SBNO2: variants seen among roughly 807,000 people sequenced by gnomAD.
The protein encoded by SBNO2 is strawberry notch homolog 2.
In SBNO2, 89 loss-of-function variants were observed where a neutral mutation model predicts 146.3. The observed-to-expected ratio is 0.61, with a 90% CI of 0.51 to 0.73. SBNO2 has a LOEUF of 0.73. SBNO2 is among the 30% of genes least tolerant of loss of function. The pLI, the probability that SBNO2 is intolerant of heterozygous loss-of-function variation, is 0.00. For synonymous variants in SBNO2, 1,147 were observed against 892.6 expected (o/e 1.29, Z -5.08); for missense variants, 2,092 against 2,003.7 (o/e 1.04, Z -0.84).
rs1161099888 is a variant in SBNO2, at chr19:1,160,848, A to G, written c.-126-6446T>C. Among the ~76,000 whole-genome samples the G allele has an allele frequency of 5.3e-5, 8 of 152,072 alleles. No homozygotes were observed. The East Asian group carries it at 1.6e-3, about 30-fold the overall frequency. On this transcript the variant is annotated intron_variant, in intron 1 of 31. Coordinates refer to ENST00000361757, the MANE Select transcript of SBNO2 (RefSeq NM_014963.3). ...CCCGGCCCGAATGGAAATCATTTTC[A>G]TAGTAACATGAATCTCTGTAACTCA...
chr19:1,117,461 G>C lies in SBNO2; in HGVS notation c.1566C>G (p.Asp522Glu). 6.3e-7 allele frequency: 1 copy of C among 1,588,494 alleles called. No homozygotes were observed. The highest frequency in any genetic ancestry group is 1.3e-5 in the African/African-American group (1 of 74,350). Residue 522 changes from aspartate to glutamate, a missense_variant, in exon 15 of 32, where the codon GAC becomes GAG. Asp to Glu is a conservative substitution (Grantham distance 45). Transcript: ENST00000361757. ...EALNVFQQAA[D>E]WIGLESRKSL... ...ACTTGCGCGACTCCAGGCCGATCCA[G>C]TCGGCCGCCTGCTGGAACACGTTCA...
intron 11 of SBNO2, 135 bp downstream of exon 11, chr19:1,122,004 C>A (rs572900755): frequency 5.2e-6 from 3 of 574,602 alleles, no homozygotes; most frequent in South Asian, 8.7e-5. Context: ...CCAGCCCCAC[C>A]CCTCCGCTCC....
chr19:1,112,826 C>T lies in SBNO2; in HGVS notation c.2371G>A (p.Gly791Ser), dbSNP rs1427202078. ...GCACTGCAGCCCCGCACCTTCTCGCCGCTCATGAAGCGCTGCTTCTCCCTG... is the reference window on the plus strand; with the variant it reads ...GCACTGCAGCCCCGCACCTTCTCGCTGCTCATGAAGCGCTGCTTCTCCCTG... ...NLREKQRFMSGEKLVAIISEA... is the reference protein window; with the variant it reads ...NLREKQRFMSSEKLVAIISEA... Residue 791 changes from glycine to serine, a missense_variant, in exon 20 of 32, where the codon GGC becomes AGC. Transcript: ENST00000361757. This position sits in a 1 kb window ranked among gnomAD's most constrained non-coding sequence, Gnocchi z 5.9. The T allele has an allele frequency of 3.8e-6, 6 of 1,572,630 alleles. No individual in the cohort carries two copies. The highest frequency in any genetic ancestry group is 5.2e-6 in the Non-Finnish European group (6 of 1,160,708).
At position 1,157,413 on chromosome 19, in the gene SBNO2, C is replaced by T. The variant is rs1418493635; in HGVS notation, c.-126-3011G>A. 3.3e-5 allele frequency among the ~76,000 whole-genome samples: 5 copies of T among 149,436 alleles called. No homozygotes were observed. The highest frequency in any genetic ancestry group is 2.0e-4 in the Admixed American group (3 of 15,108). On this transcript the variant is annotated intron_variant, in intron 1 of 31. Transcript: ENST00000361757. The surrounding 1 kb of genome is among the most constrained non-coding windows in gnomAD (Gnocchi z 6.8). Reference sequence around the variant, plus strand: ...CGGAGACGCTCTCCCCACGCGGCCCCGGAGACCCTCTCCCCACGCGGCCCC... The same window carrying T: ...CGGAGACGCTCTCCCCACGCGGCCCTGGAGACCCTCTCCCCACGCGGCCCC...
intron 4 of SBNO2, among the ~76,000 whole-genome samples, chr19:1,133,564 C>A (rs1040513819): frequency 1.3e-5 from 2 of 152,236 alleles, no homozygotes; most frequent in African/African-American, 2.4e-5. Context: ...ACACCCCTTG[C>A]CACGACCCAT....
intron 5 of SBNO2, among the ~76,000 whole-genome samples, chr19:1,125,109 T>C (rs1199814073): frequency 6.6e-6 from 1 of 151,776 alleles, no homozygotes; most frequent in Non-Finnish European, 1.5e-5. Flanking sequence ...TCCCAGCACT[T>C]TGGGAGGCCA....
Position 1,144,142 on chromosome 19 carries a change from C to T in SBNO2, c.279+3167G>A, listed in dbSNP as rs923913285. Among the ~76,000 whole-genome samples, 2 of 152,124 alleles carry T rather than the reference C, an allele frequency of 1.3e-5. No individual in the cohort carries two copies. Among genetic ancestry groups the T allele is most frequent in the Non-Finnish European group, 2.9e-5 (2 of 68,018 alleles). The stretch of plus-strand genomic sequence containing the variant: ...GGCCTGGGCTGACTCATACCCGTCC[C>T]GTCCCACACTTGGCACCGCGGGACC... On this transcript the variant is annotated intron_variant, in intron 4 of 31. Coordinates refer to ENST00000361757, the MANE Select transcript of SBNO2 (RefSeq NM_014963.3). The surrounding 1 kb of genome is among the most constrained non-coding windows in gnomAD (Gnocchi z 4.1).
At chr19:1,166,560 G>T (rs900886336) in intron 1 of SBNO2, among the ~76,000 whole-genome samples, 6 of 152,056 alleles carry the variant, frequency 3.9e-5, no homozygotes, top group Non-Finnish European at 8.8e-5. Flanking sequence ...GGAGGACTGC[G>T]TGAGCCCAGG....
intron 1 of SBNO2, 113 bp downstream of exon 1, chr19:1,174,059 G>A (rs1016245766): frequency 1.3e-5 from 2 of 149,086 alleles, no homozygotes; most frequent in African/African-American, 4.9e-5. Flanking sequence ...ACGGCCCCCA[G>A]AACCCCCAGC....
chr19:1,164,697 A>C (rs1169772337), intron 1 of SBNO2, among the ~76,000 whole-genome samples: 55 of 7,812 alleles, frequency 7.0e-3, no homozygotes, highest in Admixed American at 0.014. Context: ...GAGGAGGAAG[A>C]ACAGGAGGAG....
intron 4 of SBNO2, among the ~76,000 whole-genome samples, chr19:1,137,154 G>A (rs2080091750): frequency 6.9e-6 from 1 of 145,298 alleles, no homozygotes; most frequent in South Asian, 2.3e-4. Context: ...GTCCTGTGTA[G>A]GGGCACAGGC....
At chr19:1,155,949 G>A (rs534012738) in intron 1 of SBNO2, among the ~76,000 whole-genome samples, 8 of 152,332 alleles carry the variant, frequency 5.3e-5, no homozygotes, top group East Asian at 1.9e-4. Flanking sequence ...CCAGAGCTAC[G>A]CTGACCTTTT....
intron 4 of SBNO2, chr19:1,132,235 C>T (rs750599013): frequency 7.7e-6 from 10 of 1,301,982 alleles, no homozygotes; most frequent in Middle Eastern, 2.4e-4. Context: ...TCGGCCGGGG[C>T]GGACGGGGGC....
chr19:1,158,367 C>T lies in SBNO2; in HGVS notation c.-126-3965G>A, dbSNP rs1003168720. Among the ~76,000 whole-genome samples the T allele has an allele frequency of 6.6e-6, 1 of 152,156 alleles. No homozygotes were observed. The highest frequency in any genetic ancestry group is 2.4e-5 in the African/African-American group (1 of 41,408). On this transcript the variant is annotated intron_variant, in intron 1 of 31. Transcript: ENST00000361757. The surrounding 1 kb of genome is among the most constrained non-coding windows in gnomAD (Gnocchi z 9.9). ...CACTTTCGGATGTGGACACGGAGGC[C>T]CCTAGGTGGAGCCTTGACGTGACCC...
rs1452629738 is a variant in SBNO2, at chr19:1,140,503, G to A, written c.279+6806C>T. Among the ~76,000 whole-genome samples, 1 of 152,130 alleles carries A rather than the reference G, an allele frequency of 6.6e-6. No individual in the cohort carries two copies. Among genetic ancestry groups the A allele is most frequent in the African/African-American group, 2.4e-5 (1 of 41,450 alleles). On this transcript the variant is annotated intron_variant, in intron 4 of 31. Coordinates refer to ENST00000361757, the MANE Select transcript of SBNO2 (RefSeq NM_014963.3). This position sits in a 1 kb window ranked among gnomAD's most constrained non-coding sequence, Gnocchi z 4.4. ...GGGGCCCTTCCTCCGGGCCAGGGTG[G>A]CTGGAGGGCCGGGCAAGGCACACAC...
chr19:1,116,196 G>C (rs2079830244), intron 16 of SBNO2, 93 bp from the exon 17 acceptor site: 3 of 1,184,524 alleles, frequency 2.5e-6, no homozygotes, highest in Non-Finnish European at 3.6e-6. Context: ...GGGTCCCTGT[G>C]GGGGTCCCGG....
chr19:1,142,354 AC>A (rs2080149310), intron 4 of SBNO2, among the ~76,000 whole-genome samples: 1 of 148,614 alleles, frequency 6.7e-6, no homozygotes, highest in African/African-American at 2.5e-5. Context: ...TGCGGAGTCC[AC>A]TGGCCCCAGG....
rs755747137 is a variant in SBNO2 at position 1,110,709 on chromosome 19, C to T, written c.3028+36G>A. On this transcript the variant is annotated intron_variant, in intron 26 of 31. Transcript: ENST00000361757. This position sits in a 1 kb window ranked among gnomAD's most constrained non-coding sequence, Gnocchi z 4.9. ...GGCGTTCCCACGAGCCCCGCACCCA[C>T]ACCCACCCACACCACACCCCGGCAC... 8 of 1,610,698 alleles carry T rather than the reference C, an allele frequency of 5.0e-6. No homozygotes were observed. The East Asian group carries it at 1.1e-4, about 22-fold the overall frequency.
At chr19:1,120,366 CTTTTT>C (rs1328995196) in intron 11 of SBNO2, among the ~76,000 whole-genome samples, 5 of 152,128 alleles carry the variant, frequency 3.3e-5, no homozygotes, top group Admixed American at 6.6e-5. Context: ...AACCTGTTTT[CTTTTT>C]TGTTTGTTTT....
Sources: gnomAD v4.1 joint callset for allele counts (sites outside exome capture counted in the v4.1 genomes callset) on GRCh38, gnomAD v4.1.1 for gene constraint, Gnocchi (gnomAD v3.1) non-coding constraint, MANE v1.5 for transcripts, NCBI Gene and HGNC (gene_info 2026-07-23, HGNC 2026-07-21) for gene names.